Variants in LRMDA observed in about 807,000 individuals in gnomAD.
LRMDA encodes leucine rich melanocyte differentiation associated.
Under a neutral mutation model 29.8 loss-of-function variants are expected in LRMDA, and 18 were observed. That is an observed-to-expected ratio of 0.60 (90% CI 0.42 to 0.90). The LOEUF is 0.90. Ranked by LOEUF, LRMDA falls within the 40% of genes least tolerant of loss-of-function variation. The probability of loss-of-function intolerance (pLI) is 0.00; values close to 1 mark genes in which losing one functional copy is unlikely to be tolerated. For synonymous variants in LRMDA, 125 were observed against 109.4 expected (o/e 1.14, Z -0.89); for missense variants, 273 against 273.9 (o/e 1.00, Z 0.02).
rs114586642 is a variant in LRMDA at position 76,032,876 on chromosome 10, C to T, written c.132-3132C>T. 3.1e-3 allele frequency among the ~76,000 whole-genome samples: 468 copies of T among 152,164 alleles called. 1 individual carries two copies. Among genetic ancestry groups the T allele is most frequent in the African/African-American group, 0.011 (458 of 41,502 alleles). On this transcript the variant is annotated intron_variant, in intron 2 of 6. Coordinates refer to ENST00000611255, the MANE Select transcript of LRMDA (RefSeq NM_001305581.2). Reference sequence around the variant, plus strand: ...TGAGTGATGCTGGACTGACAGTTGGCGTCTCCACCGGGGATCTGGTTTTGG... The same window carrying T: ...TGAGTGATGCTGGACTGACAGTTGGTGTCTCCACCGGGGATCTGGTTTTGG...
chr10:76,534,874 C>T (rs1843274440), intron 6 of LRMDA, among the ~76,000 whole-genome samples: 1 of 152,176 alleles, frequency 6.6e-6, no homozygotes, highest in African/African-American at 2.4e-5. Flanking sequence ...GTACCAGCAT[C>T]TAGGTATTCT....
chr10:75,831,286 A>G (rs1247975125), intron 2 of LRMDA, among the ~76,000 whole-genome samples: 1 of 152,134 alleles, frequency 6.6e-6, no homozygotes, highest in South Asian at 2.1e-4. Context: ...TGACCTCATG[A>G]TCCACCCATC....
intron 2 of LRMDA, among the ~76,000 whole-genome samples, chr10:75,497,427 C>T (rs1845059339): frequency 6.6e-6 from 1 of 152,020 alleles, no homozygotes. Context: ...TCACCCTGAA[C>T]ACTCAGCATG....
intron 2 of LRMDA, among the ~76,000 whole-genome samples, chr10:75,835,947 G>A (rs1468594065): frequency 1.3e-5 from 2 of 152,112 alleles, no homozygotes; most frequent in African/African-American, 2.4e-5. Flanking sequence ...CAGATTATGG[G>A]CCTTTTACAT....
chr10:76,180,441 G>A (rs1300764411), intron 5 of LRMDA, among the ~76,000 whole-genome samples: 2 of 151,608 alleles, frequency 1.3e-5, no homozygotes, highest in East Asian at 3.9e-4. Context: ...CACCACACCC[G>A]GCTAATTTTT....
intron 5 of LRMDA, among the ~76,000 whole-genome samples, chr10:76,266,655 T>A (rs541411241): frequency 1.3e-5 from 2 of 152,314 alleles, no homozygotes; most frequent in South Asian, 4.1e-4. Context: ...CTAAATTCCA[T>A]GTCTATGACA....
intron 2 of LRMDA, among the ~76,000 whole-genome samples, chr10:75,715,767 T>C (rs1246080134): frequency 6.6e-6 from 1 of 152,078 alleles, no homozygotes; most frequent in Admixed American, 6.6e-5. Context: ...GTTATCTGTC[T>C]CTCCTTCCTT....
chr10:75,765,171 GCTTTGGGGTATGAGGAAGAGGAGGACACT>G (rs1214477960), intron 2 of LRMDA, among the ~76,000 whole-genome samples: 2 of 151,404 alleles, frequency 1.3e-5, no homozygotes, highest in Admixed American at 6.6e-5. Context: ...TTTATTTCCT[GCTTTGGGGTATGAGGAAGAGGAGGACACT>G]CTTTGTTAGG....
intron 5 of LRMDA, among the ~76,000 whole-genome samples, chr10:76,243,845 G>A (rs1460998670): frequency 6.6e-6 from 1 of 152,090 alleles, no homozygotes. Flanking sequence ...CCTATCCCTG[G>A]GACCTGTGAA....
intron 6 of LRMDA, among the ~76,000 whole-genome samples, chr10:76,488,800 GT>G (rs1423964181): frequency 6.6e-6 from 1 of 151,752 alleles, no homozygotes; most frequent in Non-Finnish European, 1.5e-5. Context: ...TATCATATTG[GT>G]TTGTGTATGT....
chr10:75,490,136 G>C (rs1844966624), intron 2 of LRMDA, among the ~76,000 whole-genome samples: 1 of 152,092 alleles, frequency 6.6e-6, no homozygotes, highest in South Asian at 2.1e-4. Flanking sequence ...AGACATAGAG[G>C]CTCCGAGATG....
intron 2 of LRMDA, among the ~76,000 whole-genome samples, chr10:75,544,937 A>G (rs922718396): frequency 1.3e-5 from 2 of 152,190 alleles, no homozygotes; most frequent in Non-Finnish European, 2.9e-5. Flanking sequence ...TTATTTGATT[A>G]CATTTCTGTT....
intron 5 of LRMDA, among the ~76,000 whole-genome samples, chr10:76,189,289 G>A (rs1369453820): frequency 1.3e-5 from 2 of 152,088 alleles, no homozygotes; most frequent in African/African-American, 2.4e-5. Context: ...CGCTGGAGTC[G>A]GAAGTTTCAG....
intron 6 of LRMDA, among the ~76,000 whole-genome samples, chr10:76,554,009 G>A (rs1843525364): frequency 6.6e-6 from 1 of 152,110 alleles, no homozygotes; most frequent in Non-Finnish European, 1.5e-5. Context: ...CAAGATATCA[G>A]TGGGGTCGGG....
At chr10:76,302,472 G>A (rs1455007198) in intron 5 of LRMDA, among the ~76,000 whole-genome samples, 1 of 152,056 alleles carries the variant, frequency 6.6e-6, no homozygotes, top group Non-Finnish European at 1.5e-5. Flanking sequence ...ATGTATTTGG[G>A]GTCATCTGGC....
At chr10:76,018,380 A>T (rs1179412114) in intron 2 of LRMDA, among the ~76,000 whole-genome samples, 1 of 152,186 alleles carries the variant, frequency 6.6e-6, no homozygotes, top group Non-Finnish European at 1.5e-5. Flanking sequence ...GGAACAACAT[A>T]GCCCCCACTT....
At chr10:75,553,667 C>G (rs1266423208) in intron 2 of LRMDA, among the ~76,000 whole-genome samples, 2 of 152,140 alleles carry the variant, frequency 1.3e-5, no homozygotes, top group African/African-American at 4.8e-5. Context: ...CCCCTTCACC[C>G]AGAGGCAGAC....
intron 6 of LRMDA, among the ~76,000 whole-genome samples, chr10:76,494,997 T>A (rs560169329): frequency 1.7e-3 from 256 of 152,004 alleles, no homozygotes; most frequent in African/African-American, 5.7e-3. Flanking sequence ...AGCAAATTTT[T>A]AAAAAAATTT....
intron 2 of LRMDA, among the ~76,000 whole-genome samples, chr10:75,705,288 C>T (rs1233441328): frequency 6.6e-6 from 1 of 152,124 alleles, no homozygotes; most frequent in Admixed American, 6.5e-5. Context: ...AGGGTTTCCC[C>T]CACTAAATTC....
Sources: gnomAD v4.1 joint callset for allele counts (sites outside exome capture counted in the v4.1 genomes callset) on GRCh38, gnomAD v4.1.1 for gene constraint, MANE v1.5 for transcripts, NCBI Gene and HGNC (gene_info 2026-07-23, HGNC 2026-07-21) for gene names.